The following ABTB2 variants were observed in gnomAD, a reference collection of about 807,000 sequenced individuals.
ABTB2 encodes ankyrin repeat and BTB/POZ domain-containing protein 2.
A neutral mutation model predicts 104.1 loss-of-function variants in ABTB2; 56 were observed. The ratio of observed to expected loss-of-function variants is 0.54; its 90% CI spans 0.43 to 0.67. The LOEUF (loss-of-function observed/expected upper bound fraction) is 0.67, where lower values mean the gene tolerates loss of function less well. Among genes scored for constraint, ABTB2 ranks in the 30% least tolerant of loss-of-function variants. The probability of loss-of-function intolerance (pLI) is 0.00; values close to 1 mark genes in which losing one functional copy is unlikely to be tolerated. For missense variants in ABTB2, 1,279 were observed against 1,407.7 expected (o/e 0.91, Z 1.46); for synonymous variants, 606 against 608.2 (o/e 1.00, Z 0.05).
intron 1 of ABTB2, among the ~76,000 whole-genome samples, chr11:34,340,071 A>AAAAAC (rs1471920918): frequency 1.3e-5 from 2 of 152,162 alleles, no homozygotes; most frequent in East Asian, 1.9e-4. Context: ...AAACAAAAAC[A>AAAAAC]AAAAAAGAAA....
intron 1 of ABTB2, among the ~76,000 whole-genome samples, chr11:34,247,363 C>T (rs552963491): frequency 6.6e-6 from 1 of 152,352 alleles, no homozygotes; most frequent in South Asian, 2.1e-4. Context: ...CATTCAGTAG[C>T]AGCAGTACTT....
chr11:34,184,535 G>A (rs1233557293), intron 3 of ABTB2, among the ~76,000 whole-genome samples: 4 of 152,250 alleles, frequency 2.6e-5, no homozygotes, highest in Non-Finnish European at 5.9e-5. Context: ...AGATGGTACA[G>A]ATTCCAGTGG....
chr11:34,218,588 G>A (rs185258033), intron 1 of ABTB2, among the ~76,000 whole-genome samples: 4 of 152,016 alleles, frequency 2.6e-5, no homozygotes, highest in Non-Finnish European at 4.4e-5. Flanking sequence ...AGTGGCTCAC[G>A]CCTGTAATCC....
chr11:34,225,272 C>T lies in ABTB2; in HGVS notation c.884-20582G>A, dbSNP rs569460370. ...AAGAGTGGGCTTGTCAGCCTGGTCT[C>T]CAGCTCTGGCCCTGGTCCTGGGCCA... On this transcript the variant is annotated intron_variant, in intron 1 of 16. Transcript: ENST00000435224. Among the ~76,000 whole-genome samples, 10 of 151,624 alleles carry T rather than the reference C, an allele frequency of 6.6e-5. No homozygotes were observed. The South Asian group carries it at 1.9e-3, about 28-fold the overall frequency.
rs780472019 is a variant in ABTB2 at position 34,197,331 on chromosome 11, T to A, written c.1238A>T (p.Asn413Ile). 2 of 1,613,948 alleles carry A rather than the reference T, an allele frequency of 1.2e-6. No individual in the cohort carries two copies. The highest frequency in any genetic ancestry group is 1.7e-6 in the Non-Finnish European group (2 of 1,179,988). ...NLDPPRMTLN[N>I]ERPFMLLPPL... The stretch of plus-strand genomic sequence containing the variant: ...GCCCAAGGAAGATCCCTACCGTTCA[T>A]TGTTCAAGGTCATTCTCGGGGGGTC... Residue 413 changes from asparagine to isoleucine, a missense_variant, in exon 3 of 17, where the codon AAT becomes ATT. By Grantham distance (149) the Asn-to-Ile change is moderately radical (BLOSUM62 -3). Transcript: ENST00000435224.
At chr11:34,213,725 A>C (rs1025053978) in intron 1 of ABTB2, among the ~76,000 whole-genome samples, 4 of 152,178 alleles carry the variant, frequency 2.6e-5, no homozygotes, top group African/African-American at 4.8e-5. Flanking sequence ...TCCTCTTTGC[A>C]AAAGAGTATA....
At chr11:34,324,137 C>T (rs933933233) in intron 1 of ABTB2, among the ~76,000 whole-genome samples, 4 of 152,096 alleles carry the variant, frequency 2.6e-5, no homozygotes, top group African/African-American at 9.7e-5. Context: ...TCTTGAACTC[C>T]TGACCTCAAG....
chr11:34,220,611 T>G (rs79514475), intron 1 of ABTB2, among the ~76,000 whole-genome samples: 1,906 of 152,320 alleles, frequency 0.013, 23 homozygotes, highest in Non-Finnish European at 0.021. Flanking sequence ...GCCAACGTGC[T>G]GAGGATGGCA....
At chr11:34,185,505 T>C (rs1690969787) in intron 3 of ABTB2, among the ~76,000 whole-genome samples, 1 of 152,226 alleles carries the variant, frequency 6.6e-6, no homozygotes, top group Admixed American at 6.5e-5. Flanking sequence ...GTTGCATATG[T>C]TACCTCTGAA....
At chr11:34,310,339 T>C (rs940454546) in intron 1 of ABTB2, among the ~76,000 whole-genome samples, 3 of 152,166 alleles carry the variant, frequency 2.0e-5, no homozygotes, top group African/African-American at 7.2e-5. Context: ...TACCCTGCTG[T>C]GAGTGCCAGA....
At chr11:34,171,762 C>G (rs1287914850) in intron 4 of ABTB2, among the ~76,000 whole-genome samples, 1 of 152,122 alleles carries the variant, frequency 6.6e-6, no homozygotes, top group Admixed American at 6.5e-5. Context: ...TGCACTCAGC[C>G]TATAAACGGT....
At chr11:34,352,775 G>A (rs1855414989) in intron 1 of ABTB2, among the ~76,000 whole-genome samples, 1 of 152,218 alleles carries the variant, frequency 6.6e-6, no homozygotes, top group African/African-American at 2.4e-5. Flanking sequence ...GTTGTGTATG[G>A]CCAGGCATGA....
At chr11:34,293,178 G>A (rs2133093997) in intron 1 of ABTB2, among the ~76,000 whole-genome samples, 1 of 152,256 alleles carries the variant, frequency 6.6e-6, no homozygotes, top group East Asian at 1.9e-4. Flanking sequence ...ATAGCTGCTA[G>A]GTTTTCAGCA....
chr11:34,239,782 T>C (rs1853890280), intron 1 of ABTB2, among the ~76,000 whole-genome samples: 1 of 152,176 alleles, frequency 6.6e-6, no homozygotes, highest in African/African-American at 2.4e-5. Flanking sequence ...AACACTGACA[T>C]TTGGGGGGCC....
chr11:34,309,127 C>G (rs1215992326), intron 1 of ABTB2, among the ~76,000 whole-genome samples: 1 of 152,214 alleles, frequency 6.6e-6, no homozygotes, highest in Non-Finnish European at 1.5e-5. Flanking sequence ...ATACAGGTTG[C>G]TTCCAAAACT....
chr11:34,342,802 C>T (rs1043177394), intron 1 of ABTB2, among the ~76,000 whole-genome samples: 22 of 152,172 alleles, frequency 1.4e-4, no homozygotes, highest in African/African-American at 4.1e-4. Flanking sequence ...CCTGCATGAC[C>T]GTGAGCAAGC....
intron 3 of ABTB2, among the ~76,000 whole-genome samples, chr11:34,185,296 GGTCAT>G (rs1448324307): frequency 6.6e-6 from 1 of 152,208 alleles, no homozygotes; most frequent in Non-Finnish European, 1.5e-5. Flanking sequence ...ATGGGATGGG[GGTCAT>G]GGAGGGGTGG....
chr11:34,346,870 C>T (rs2001176), intron 1 of ABTB2, among the ~76,000 whole-genome samples: 23,437 of 152,144 alleles, frequency 0.15, 3,157 homozygotes, highest in East Asian at 0.35. Flanking sequence ...GTGTGTGAGC[C>T]TCAGGCTTGT....
At chr11:34,245,994 G>A (rs1853979070) in intron 1 of ABTB2, among the ~76,000 whole-genome samples, 1 of 152,188 alleles carries the variant, frequency 6.6e-6, no homozygotes, top group South Asian at 2.1e-4. Context: ...ACAAATATCT[G>A]TCACTCAGGG....
Sources: gnomAD v4.1 joint callset for allele counts (sites outside exome capture counted in the v4.1 genomes callset) on GRCh38, gnomAD v4.1.1 for gene constraint, MANE v1.5 for transcripts, NCBI Gene and HGNC (gene_info 2026-07-23, HGNC 2026-07-21) for gene names.